The following DEPDC1B variants were observed in gnomAD, a reference collection of about 807,000 sequenced individuals.
DEPDC1B encodes the protein DEP domain-containing protein 1B.
DEPDC1B carries 51 observed loss-of-function variants against 66.5 expected under a neutral mutation model. The observed-to-expected ratio is 0.77, with a 90% CI of 0.61 to 0.97. The LOEUF is 0.97. Among genes scored for constraint, DEPDC1B ranks in the 50% least tolerant of loss-of-function variants. DEPDC1B has a pLI of 0.00. For synonymous variants in DEPDC1B, 226 were observed against 223.6 expected (o/e 1.01, Z -0.10); for missense variants, 552 against 637.1 (o/e 0.87, Z 1.44).
At chr5:60,665,609 CT>C (rs1180676049) in intron 2 of DEPDC1B, among the ~76,000 whole-genome samples, 3 of 152,280 alleles carry the variant, frequency 2.0e-5, no homozygotes, top group African/African-American at 7.2e-5. Flanking sequence ...TGCATGACCC[CT>C]ATTACGCCCC....
In DEPDC1B at chr5:60,622,986, C is replaced by G. The variant is rs150444169; in HGVS notation, c.898+15764G>C. ...GTATATTTCAAAGAGCAGAAATTTC[C>G]AATTTTGATGAAGTCTATTTGATGT... On this transcript the variant is annotated intron_variant, in intron 7 of 10. Transcript: ENST00000265036. 4.8e-3 allele frequency among the ~76,000 whole-genome samples: 729 copies of G among 152,022 alleles called. 7 individuals are homozygous for G. Among genetic ancestry groups the G allele is most frequent in the Non-Finnish European group, 7.7e-3 (524 of 67,954 alleles).
At chr5:60,699,650 C>A (rs1210282255) in intron 1 of DEPDC1B, among the ~76,000 whole-genome samples, 5 of 152,132 alleles carry the variant, frequency 3.3e-5, no homozygotes, top group Non-Finnish European at 7.3e-5. Context: ...AGGAAGGAGA[C>A]ACGCCCTGCC....
At chr5:60,657,831 C>G (rs547409968) in intron 2 of DEPDC1B, among the ~76,000 whole-genome samples, 63 of 152,302 alleles carry the variant, frequency 4.1e-4, no homozygotes, top group African/African-American at 1.5e-3. Context: ...ATTTGGATGT[C>G]TAGATCTCTG....
At chr5:60,635,461 G>A (rs1753022735) in intron 7 of DEPDC1B, among the ~76,000 whole-genome samples, 1 of 152,108 alleles carries the variant, frequency 6.6e-6, no homozygotes, top group Non-Finnish European at 1.5e-5. Context: ...GAATGTCTAT[G>A]GCATTTTCTA....
rs1752295145 is a variant in DEPDC1B at position 60,605,709 on chromosome 5, C to T, written c.1046G>A (p.Gly349Asp). Residue 349 changes from glycine (G) to aspartate (D), a missense_variant, in exon 8 of 11, where the codon GGC becomes GAC. Physicochemically the swap from Gly to Asp is moderately conservative, Grantham distance 94. Transcript: ENST00000265036. ...LNKEMPPLCD[G>D]FGTRTLMVQT... Reference sequence around the variant, plus strand: ...ACCTACCAGTGTTCGGGTACCAAAGCCATCACACAGGGGTGGCATCTCTTT... The same window carrying T: ...ACCTACCAGTGTTCGGGTACCAAAGTCATCACACAGGGGTGGCATCTCTTT... 6.2e-7 allele frequency: 1 copy of T among 1,611,148 alleles called. No homozygotes were observed. Among genetic ancestry groups the T allele is most frequent in the African/African-American group, 1.3e-5 (1 of 74,904 alleles).
At chr5:60,621,140 G>A (rs1752690795) in intron 7 of DEPDC1B, among the ~76,000 whole-genome samples, 1 of 151,984 alleles carries the variant, frequency 6.6e-6, no homozygotes. Flanking sequence ...GGACTGTTGT[G>A]GGGTGGGGGT....
At chr5:60,629,066 T>G (rs76932693) in intron 7 of DEPDC1B, among the ~76,000 whole-genome samples, 1,890 of 152,178 alleles carry the variant, frequency 0.012, 15 homozygotes, top group Non-Finnish European at 0.021. Flanking sequence ...TGTCCTGGGG[T>G]AAAAACAGCT....
At chr5:60,599,014 A>AT in intron 10 of DEPDC1B, 61 bp downstream of exon 10, 6 of 1,426,974 alleles carry the variant, frequency 4.2e-6, no homozygotes, top group Non-Finnish European at 5.6e-6. Context: ...ATTAAAATAA[A>AT]AAAAAAAACA....
chr5:60,607,843 G>A lies in DEPDC1B; in HGVS notation c.899-1987C>T, dbSNP rs1362257109. ...AACATTGTAATGTGAGAGCATGCTG[G>A]GAGTGTGTGACGTACAGGAATGCGT... On this transcript the variant is annotated intron_variant, in intron 7 of 10. Coordinates refer to ENST00000265036, the MANE Select transcript of DEPDC1B (RefSeq NM_018369.3). Among the ~76,000 whole-genome samples the A allele has an allele frequency of 3.3e-5, 5 of 152,192 alleles. No individual in the cohort carries two copies. The East Asian group carries it at 9.6e-4, about 29-fold the overall frequency.
intron 7 of DEPDC1B, 73 bp downstream of exon 7, chr5:60,638,677 G>T: frequency 6.9e-7 from 1 of 1,457,948 alleles, no homozygotes; most frequent in Non-Finnish European, 9.2e-7. Flanking sequence ...GCTAATGGAA[G>T]TCTCAAAATA....
Position 60,645,495 on chromosome 5 carries a change from G to T in DEPDC1B, c.575C>A (p.Ser192Ter). Reference protein sequence around the residue: ...VEEIWKSMTLSYLQKILGLDS... With the variant: ...VEEIWKSMTL ...CATTAATATCAAATGTACATACTATGATAATGTCATAGACTTCCATATCTC... is the reference window on the plus strand; with the variant it reads ...CATTAATATCAAATGTACATACTATTATAATGTCATAGACTTCCATATCTC... The change falls in exon 4 of 11, where the codon TCA becomes TAA. Residue 192 changes from serine (S) to a stop codon, truncating the protein, a stop_gained. Transcript: ENST00000265036. LOFTEE classifies it high-confidence loss of function. 2.5e-6 allele frequency: 4 copies of T among 1,606,880 alleles called. No individual in the cohort carries two copies. Among genetic ancestry groups the T allele is most frequent in the South Asian group, 1.1e-5 (1 of 89,724 alleles).
chr5:60,622,161 A>C (rs534025577), intron 7 of DEPDC1B, among the ~76,000 whole-genome samples: 1 of 152,310 alleles, frequency 6.6e-6, no homozygotes, highest in African/African-American at 2.4e-5. Context: ...ATCCCCATGT[A>C]AACAGCACAA....
chr5:60,669,181 A>T (rs1487310947), intron 2 of DEPDC1B, among the ~76,000 whole-genome samples: 1 of 152,206 alleles, frequency 6.6e-6, no homozygotes, highest in Non-Finnish European at 1.5e-5. Flanking sequence ...ATTAGGATTT[A>T]TTACCTAATA....
At chr5:60,629,366 T>C (rs1253412158) in intron 7 of DEPDC1B, among the ~76,000 whole-genome samples, 1 of 152,224 alleles carries the variant, frequency 6.6e-6, no homozygotes, top group Non-Finnish European at 1.5e-5. Context: ...TATTCAGTGG[T>C]GGGATTACTA....
chr5:60,601,222 T>C (rs1461695847), intron 9 of DEPDC1B, among the ~76,000 whole-genome samples: 2 of 152,230 alleles, frequency 1.3e-5, no homozygotes, highest in Non-Finnish European at 2.9e-5. Context: ...TACACTGCTA[T>C]AACATTTCCT....
At chr5:60,692,018 ATGT>A (rs1250146430) in intron 1 of DEPDC1B, among the ~76,000 whole-genome samples, 1 of 152,352 alleles carries the variant, frequency 6.6e-6, no homozygotes, top group South Asian at 2.1e-4. Context: ...AAAGAAAGAA[ATGT>A]TGTCATTTGC....
intron 2 of DEPDC1B, among the ~76,000 whole-genome samples, chr5:60,679,295 T>C (rs1397518456): frequency 6.6e-6 from 1 of 152,232 alleles, no homozygotes; most frequent in African/African-American, 2.4e-5. Context: ...TTAACTTCTA[T>C]GGCTTTCTAT....
At position 60,647,393 on chromosome 5, in the gene DEPDC1B, C is replaced by T. The variant is rs1753343643; in HGVS notation, c.450+5G>A. 10 of 1,597,580 alleles carry T rather than the reference C, an allele frequency of 6.3e-6. No homozygotes were observed. The highest frequency in any genetic ancestry group is 8.5e-6 in the Non-Finnish European group (10 of 1,174,462). ...GCCCTTCCATCTTTCAGTCATGGCA[C>T]TTACCATCACAACTGGCCTCACTGG... On this transcript the variant is annotated splice_donor_5th_base_variant and intron_variant, in intron 3 of 10. Coordinates refer to ENST00000265036, the MANE Select transcript of DEPDC1B (RefSeq NM_018369.3).
At chr5:60,621,374 A>T (rs1752697626) in intron 7 of DEPDC1B, among the ~76,000 whole-genome samples, 1 of 152,034 alleles carries the variant, frequency 6.6e-6, no homozygotes, top group Non-Finnish European at 1.5e-5. Flanking sequence ...ATAAAAAAGG[A>T]TGAGTTCATG....
Sources: allele counts gnomAD v4.1 joint callset (sites outside exome capture counted in the v4.1 genomes callset), GRCh38; gene constraint gnomAD v4.1.1; transcripts MANE v1.5; gene names NCBI Gene and HGNC (gene_info 2026-07-23, HGNC 2026-07-21).